The following SNRPN variants were observed in gnomAD, a reference collection of about 807,000 sequenced individuals.
The protein encoded by SNRPN is small nuclear ribonucleoprotein-associated protein N.
Under a neutral mutation model 25.2 loss-of-function variants are expected in SNRPN, and 7 were observed. The ratio of observed to expected loss-of-function variants is 0.28; its 90% CI spans 0.16 to 0.52. The LOEUF is 0.52. Ranked by LOEUF, SNRPN falls within the 20% of genes least tolerant of loss-of-function variation. SNRPN has a pLI of 0.96. For missense variants in SNRPN, 196 were observed against 322.5 expected (o/e 0.61, Z 3.00); for synonymous variants, 124 against 110.6 (o/e 1.12, Z -0.76).
At chr15:24,954,982 C>G (rs2062595511), upstream of SNRPN, 3 of 1,606,724 alleles carry the variant, frequency 1.9e-6, no homozygotes, top group Non-Finnish European at 2.5e-6. Context: ...TGCAGCGAGT[C>G]TGGCGCAGAG....
At chr15:24,853,194 T>G (rs2053041271), upstream of SNRPN, among the ~76,000 whole-genome samples, 1 of 152,190 alleles carries the variant, frequency 6.6e-6, no homozygotes, top group East Asian at 1.9e-4. Flanking sequence ...GAACCAATGT[T>G]AAACATTATC....
At chr15:24,866,147 G>A (rs576988210) in intron 1 of SNRPN, among the ~76,000 whole-genome samples, 10 of 152,124 alleles carry the variant, frequency 6.6e-5, no homozygotes, top group African/African-American at 1.9e-4. Context: ...TGTATAGTCA[G>A]CTTTTTCTGA....
intron 2 of SNRPN, among the ~76,000 whole-genome samples, chr15:24,836,220 G>A (rs1226861236): frequency 6.6e-6 from 1 of 151,974 alleles, no homozygotes; most frequent in Admixed American, 6.6e-5. Flanking sequence ...AGGCAGATAG[G>A]ATTTGGCCCA....
At chr15:24,919,371 G>C (rs1008612744) in intron 2 of SNRPN, among the ~76,000 whole-genome samples, 5 of 150,510 alleles carry the variant, frequency 3.3e-5, no homozygotes, top group Non-Finnish European at 5.9e-5. Context: ...GCGGAGCTTG[G>C]AGTGAGCCGA....
chr15:24,907,224 C>G (rs1424237322), intron 2 of SNRPN, among the ~76,000 whole-genome samples: 4 of 152,080 alleles, frequency 2.6e-5, no homozygotes, highest in Non-Finnish European at 5.9e-5. Flanking sequence ...GGAATAATAC[C>G]TACGGAGGAA....
intron 2 of SNRPN, among the ~76,000 whole-genome samples, chr15:24,908,490 C>T (rs1595839212): frequency 6.6e-6 from 1 of 151,968 alleles, no homozygotes; most frequent in Admixed American, 6.6e-5. Context: ...AGAATATGGA[C>T]AGTAAAGGAC....
At chr15:24,875,909 C>G (rs2055811855) in intron 1 of SNRPN, among the ~76,000 whole-genome samples, 1 of 151,880 alleles carries the variant, frequency 6.6e-6, no homozygotes. Context: ...CAAAAACTAG[C>G]CAGACATGGT....
intron 3 of SNRPN, among the ~76,000 whole-genome samples, chr15:24,970,574 T>C (rs886433010): frequency 6.6e-6 from 1 of 152,098 alleles, no homozygotes; most frequent in African/African-American, 2.4e-5. Context: ...GCAAGACTTC[T>C]ATCTCAAAAA....
In SNRPN at chr15:24,957,282, C is replaced by T. The variant is rs80266521; in HGVS notation, c.-391+2220C>T. ...TTGAAAGGTGTTTCAAACACTGGAC[C>T]TCTTCATCTTCTGGGAGTTGAAAGC... On this transcript the variant is annotated intron_variant, in intron 1 of 9. Transcript: ENST00000390687. 2.6e-4 allele frequency among the ~76,000 whole-genome samples: 39 copies of T among 152,252 alleles called. No individual in the cohort carries two copies. In the East Asian group the frequency reaches 6.9e-3, roughly 27 times the overall value.
At chr15:24,971,641 C>A (rs761995896) in intron 3 of SNRPN, among the ~76,000 whole-genome samples, 1 of 152,014 alleles carries the variant, frequency 6.6e-6, no homozygotes, top group Non-Finnish European at 1.5e-5. Flanking sequence ...ACCTCTGGAC[C>A]GCTAAGCTTG....
At chr15:24,842,265 A>G (rs2051773597) in intron 2 of SNRPN, among the ~76,000 whole-genome samples, 2 of 152,148 alleles carry the variant, frequency 1.3e-5, no homozygotes, top group African/African-American at 4.8e-5. Context: ...GGTCATCACT[A>G]TACCAGCCAT....
intron 2 of SNRPN, chr15:24,850,611 G>A (rs1245937952): frequency 3.3e-5 from 5 of 152,192 alleles, no homozygotes; most frequent in Non-Finnish European, 5.9e-5. Flanking sequence ...CACTGCACCC[G>A]GCCTAAGGGA....
chr15:24,837,568 A>C (rs960886504), intron 2 of SNRPN, among the ~76,000 whole-genome samples: 1 of 151,534 alleles, frequency 6.6e-6, no homozygotes, highest in Non-Finnish European at 1.5e-5. Flanking sequence ...ACGGGGTTTC[A>C]CCGTGTTAGC....
chr15:24,926,196 A>G (rs1368370661), intron 3 of SNRPN, among the ~76,000 whole-genome samples: 2 of 152,142 alleles, frequency 1.3e-5, no homozygotes, highest in Non-Finnish European at 2.9e-5. Context: ...TTTAGATTCT[A>G]TTGTAAGGAT....
intron 3 of SNRPN, among the ~76,000 whole-genome samples, chr15:24,949,279 C>T (rs534866047): frequency 6.6e-6 from 1 of 152,102 alleles, no homozygotes; most frequent in Non-Finnish European, 1.5e-5. Context: ...GCCTCGGCCT[C>T]CCAAAGTGCT....
At chr15:24,919,527 A>G (rs2059916836) in intron 2 of SNRPN, among the ~76,000 whole-genome samples, 1 of 152,144 alleles carries the variant, frequency 6.6e-6, no homozygotes, top group Non-Finnish European at 1.5e-5. Context: ...AGATTGGGCT[A>G]ACTCCAAACA....
intron 1 of SNRPN, among the ~76,000 whole-genome samples, chr15:24,858,453 A>C (rs567808126): frequency 1.4e-5 from 2 of 147,588 alleles, no homozygotes; most frequent in Admixed American, 1.4e-4. Context: ...GAATTCCTCA[A>C]CCTGAATTGA....
chr15:24,851,227 GC>G (rs1394102425), intron 2 of SNRPN: 1 of 152,192 alleles, frequency 6.6e-6, no homozygotes, highest in African/African-American at 2.4e-5. Context: ...CATGTTTGGG[GC>G]TCATAGGTGA....
upstream of SNRPN, among the ~76,000 whole-genome samples, chr15:24,853,465 C>T (rs1215990338): frequency 1.3e-5 from 2 of 151,792 alleles, no homozygotes; most frequent in Non-Finnish European, 2.9e-5. Context: ...GCGATCTCGG[C>T]TTGCTGCAAG....
Sources: gnomAD v4.1 joint callset for allele counts (sites outside exome capture counted in the v4.1 genomes callset) on GRCh38, gnomAD v4.1.1 for gene constraint, MANE v1.5 for transcripts, NCBI Gene and HGNC (gene_info 2026-07-23, HGNC 2026-07-21) for gene names.